Variants in STARD13 observed in about 807,000 individuals in gnomAD.
The protein encoded by STARD13 is StAR related lipid transfer domain containing 13.
A neutral mutation model predicts 106.4 loss-of-function variants in STARD13; 62 were observed. That is an observed-to-expected ratio of 0.58 (90% CI 0.48 to 0.72). STARD13 has a LOEUF of 0.72. Ranked by LOEUF, STARD13 falls within the 30% of genes least tolerant of loss-of-function variation. The pLI, the probability that STARD13 is intolerant of heterozygous loss-of-function variation, is 0.00. For missense variants in STARD13, 1,387 were observed against 1,424.0 expected, an observed-to-expected ratio of 0.97 and a Z score of 0.42; for synonymous variants, 565 against 553.0, an observed-to-expected ratio of 1.02 and a Z score of -0.31.
At chr13:33,259,910 T>C (rs1890552691) in intron 1 of STARD13, among the ~76,000 whole-genome samples, 1 of 147,200 alleles carries the variant, frequency 6.8e-6, no homozygotes, top group Non-Finnish European at 1.5e-5. Context: ...GGCAGGATAA[T>C]GCTCGAACTC....
At chr13:33,511,821 C>T in the STARD13 span, among the ~76,000 whole-genome samples, 53 of 152,234 alleles carry the variant, frequency 3.5e-4, no homozygotes, top group Non-Finnish European at 6.9e-4. Flanking sequence ...TTACTTGCTT[C>T]TATCACTAAA....
upstream of STARD13, among the ~76,000 whole-genome samples, chr13:33,354,340 G>A (rs1025360532): frequency 2.6e-5 from 4 of 152,174 alleles, no homozygotes; most frequent in South Asian, 4.1e-4. Flanking sequence ...CTCATCCTTC[G>A]AGATTCAACT....
the STARD13 span, among the ~76,000 whole-genome samples, chr13:33,643,732 T>C: frequency 9.2e-5 from 14 of 152,260 alleles, no homozygotes; most frequent in African/African-American, 3.4e-4. Context: ...CTCTCTCACC[T>C]GGTCTAAGCC....
chr13:33,302,312 A>G (rs1892751545), intron 1 of STARD13, among the ~76,000 whole-genome samples: 1 of 152,196 alleles, frequency 6.6e-6, no homozygotes, highest in Non-Finnish European at 1.5e-5. Flanking sequence ...TGCTGAAGTA[A>G]TGATAGCTCA....
At chr13:33,650,164 ATTTTTTTTTT>A in the STARD13 span, among the ~76,000 whole-genome samples, 6 of 48,370 alleles carry the variant, frequency 1.2e-4, no homozygotes, top group African/African-American at 2.4e-4. Flanking sequence ...CGTGACTCCA[ATTTTTTTTTT>A]TTTTTTTTTT....
the STARD13 span, among the ~76,000 whole-genome samples, chr13:33,636,116 G>C: frequency 6.8e-6 from 1 of 148,098 alleles, no homozygotes; most frequent in African/African-American, 2.5e-5. Flanking sequence ...CACTAGCCTG[G>C]GTGACAGAGC....
chr13:33,629,912 C>G, the STARD13 span, among the ~76,000 whole-genome samples: 3 of 151,990 alleles, frequency 2.0e-5, no homozygotes, highest in African/African-American at 7.3e-5. Context: ...TTGCAGTTTT[C>G]TAGATGAGTA....
the STARD13 span, among the ~76,000 whole-genome samples, chr13:33,385,212 G>A: frequency 6.0e-5 from 4 of 66,598 alleles, no homozygotes; most frequent in Non-Finnish European, 1.2e-4. Flanking sequence ...TGGAAGAAAG[G>A]TTCGGAATAT....
the STARD13 span, among the ~76,000 whole-genome samples, chr13:33,652,665 G>A: frequency 6.6e-6 from 1 of 152,132 alleles, no homozygotes; most frequent in Non-Finnish European, 1.5e-5. Flanking sequence ...TAATGAGTCA[G>A]TTATATCTGG....
At chr13:33,408,680 G>T in the STARD13 span, among the ~76,000 whole-genome samples, 2 of 152,084 alleles carry the variant, frequency 1.3e-5, no homozygotes, top group Non-Finnish European at 2.9e-5. Flanking sequence ...TTAAACTGAA[G>T]AATTAAGCCC....
intron 1 of STARD13, among the ~76,000 whole-genome samples, chr13:33,326,184 C>T (rs1426106830): frequency 6.6e-6 from 1 of 152,018 alleles, no homozygotes; most frequent in Non-Finnish European, 1.5e-5. Context: ...TGTAGAGAAT[C>T]ATTTTAAATA....
intron 1 of STARD13, among the ~76,000 whole-genome samples, chr13:33,311,479 A>C (rs1893136037): frequency 6.6e-6 from 1 of 152,214 alleles, no homozygotes; most frequent in Non-Finnish European, 1.5e-5. Context: ...CAACTTCATC[A>C]GCTGTGCTCT....
At chr13:33,390,308 T>G in the STARD13 span, among the ~76,000 whole-genome samples, 12 of 152,200 alleles carry the variant, frequency 7.9e-5, no homozygotes, top group East Asian at 2.3e-3. Context: ...TTTATGTTGC[T>G]TTGCCCAAGA....
the STARD13 span, among the ~76,000 whole-genome samples, chr13:33,562,736 A>T: frequency 6.8e-6 from 1 of 146,702 alleles, no homozygotes; most frequent in Non-Finnish European, 1.5e-5. Context: ...TTGGTTGATT[A>T]AAAACATTTT....
the STARD13 span, among the ~76,000 whole-genome samples, chr13:33,620,678 A>C: frequency 6.6e-6 from 1 of 151,664 alleles, no homozygotes; most frequent in Non-Finnish European, 1.5e-5. Context: ...AGTAATATTA[A>C]ATTAAAAATA....
intron 1 of STARD13, among the ~76,000 whole-genome samples, chr13:33,341,002 C>T (rs371858160): frequency 6.6e-5 from 10 of 152,244 alleles, no homozygotes; most frequent in Middle Eastern, 3.4e-3. Flanking sequence ...TAACTACAAA[C>T]GTGACAAAAA....
chr13:33,282,009 T>C (rs1255944155), intron 1 of STARD13, among the ~76,000 whole-genome samples: 1 of 151,954 alleles, frequency 6.6e-6, no homozygotes, highest in African/African-American at 2.4e-5. Context: ...TTTACCACAA[T>C]AAAAAAAATT....
chr13:33,627,628 C>T, the STARD13 span, among the ~76,000 whole-genome samples: 1 of 148,696 alleles, frequency 6.7e-6, no homozygotes, highest in Non-Finnish European at 1.5e-5. Flanking sequence ...CAGAGCAAGA[C>T]TCCATCTCAA....
At chr13:33,259,996 C>CAAAAAAAAAAAAAAAAAAAAAAAAAAA (rs35410044) in intron 1 of STARD13, among the ~76,000 whole-genome samples, 1 of 102,044 alleles carries the variant, frequency 9.8e-6, no homozygotes. Context: ...ATTCCATCTC[C>CAAAAAAAAAAAAAAAAAAAAAAAAAAA]AAAAAAAAAA....
Sources: allele counts gnomAD v4.1 joint callset (sites outside exome capture counted in the v4.1 genomes callset), GRCh38; gene constraint gnomAD v4.1.1; transcripts MANE v1.5; gene names NCBI Gene and HGNC (gene_info 2026-07-23, HGNC 2026-07-21).